Variants in TPGS2 observed in about 807,000 individuals in gnomAD.
The protein encoded by TPGS2 is polyglutamylase subunit 2.
In TPGS2, 26 loss-of-function variants were observed where a neutral mutation model predicts 31.1. That is an observed-to-expected ratio of 0.84 (90% CI 0.61 to 1.16). The LOEUF is 1.16. Among genes scored for constraint, TPGS2 ranks in the 50% most tolerant of loss-of-function variants. The pLI is 0.00. For synonymous variants in TPGS2, 130 were observed against 136.6 expected (o/e 0.95, Z 0.34); for missense variants, 351 against 363.8 (o/e 0.96, Z 0.29).
At position 36,807,850 on chromosome 18, in the gene TPGS2, CCAG is replaced by C. The variant is rs2045234290; in HGVS notation, c.247_249del (p.Leu83del). On this transcript the variant is annotated inframe_deletion, in exon 3 of 7. Coordinates refer to ENST00000334295, the MANE Select transcript of TPGS2 (RefSeq NM_015476.4). ...TCCTACAAGGAGGCTGACTCACCAT[CCAG>C]CTTCACACTCCATGTCATGTGGAAG... is the stretch of plus-strand genomic sequence containing the variant. 6.2e-7 allele frequency: 1 copy of C among 1,613,844 alleles called. No individual in the cohort carries two copies. The highest frequency in any genetic ancestry group is 1.7e-5 in the Admixed American group (1 of 59,988).
At position 36,795,404 on chromosome 18, in the gene TPGS2, C is replaced by CTCAT. The variant is rs905535564; in HGVS notation, c.*1397_*1400dup. 5 of 985,244 alleles carry CTCAT rather than the reference C, an allele frequency of 5.1e-6. No homozygotes were observed. In the Admixed American group the frequency reaches 2.5e-4, roughly 48 times the overall value. 61.0% of individuals were successfully genotyped at this position (985,244 alleles called of 1,614,324 possible). On this transcript the variant is annotated 3_prime_UTR_variant, in exon 7 of 7. Transcript: ENST00000334295. ...GTGCAGATGGTAGAGGCCCCTGCAC[C>CTCAT]TCATTCCTCAAAACTCCTAATTCTC...
In TPGS2 at chr18:36,828,825, A is replaced by G; in HGVS notation, c.-58T>C. On this transcript the variant is annotated 5_prime_UTR_variant, in exon 1 of 7. Coordinates refer to ENST00000334295, the MANE Select transcript of TPGS2 (RefSeq NM_015476.4). Reference sequence around the variant, plus strand: ...CGGGTGGAGGGCCGGACCCCGCCTCAGCGCCGAGGCCAATTTCATGGCATG... The same window carrying G: ...CGGGTGGAGGGCCGGACCCCGCCTCGGCGCCGAGGCCAATTTCATGGCATG... 1.9e-6 allele frequency: 3 copies of G among 1,587,086 alleles called. No homozygotes were observed. Among genetic ancestry groups the G allele is most frequent in the Non-Finnish European group, 2.6e-6 (3 of 1,162,450 alleles).
downstream of TPGS2, among the ~76,000 whole-genome samples, chr18:36,780,948 C>T (rs540955694): frequency 1.1e-4 from 17 of 152,260 alleles, no homozygotes; most frequent in South Asian, 1.0e-3. Context: ...ACCACAAACA[C>T]GTGAGTAATG....
At chr18:36,820,119 A>C (rs577248857) in intron 1 of TPGS2, among the ~76,000 whole-genome samples, 2 of 152,350 alleles carry the variant, frequency 1.3e-5, no homozygotes, top group East Asian at 3.9e-4. Context: ...CTTGGGATGC[A>C]GCAATAGCCC....
At position 36,828,974 on chromosome 18, in the gene TPGS2, G is replaced by A; in HGVS notation, c.-207C>T. ...GCGGCCCCGCCCGGTGCCCCACACC[G>A]CACCTCCGGGACGTAGCTTCCCCTT... On this transcript the variant is annotated 5_prime_UTR_variant, in exon 1 of 7. Transcript: ENST00000334295. 5 of 1,038,962 alleles carry A rather than the reference G, an allele frequency of 4.8e-6. No homozygotes were observed. Among genetic ancestry groups the A allele is most frequent in the South Asian group, 1.8e-5 (1 of 56,744 alleles). The allele number at this position is 1,038,962 out of a possible 1,614,324, so 64.4% of individuals were successfully genotyped here.
downstream of TPGS2, chr18:36,789,110 G>A (rs2044222091): frequency 6.6e-6 from 1 of 152,162 alleles, no homozygotes; most frequent in African/African-American, 2.4e-5. Context: ...CAGCTAAAAT[G>A]GGTAGCAGCA....
intron 6 of TPGS2, among the ~76,000 whole-genome samples, chr18:36,784,972 C>A (rs1213141193): frequency 6.6e-6 from 1 of 152,142 alleles, no homozygotes; most frequent in Non-Finnish European, 1.5e-5. Flanking sequence ...TCCTGGAGGC[C>A]TAGTCGTGTA....
chr18:36,809,792 G>T (rs2045334345), intron 2 of TPGS2, among the ~76,000 whole-genome samples: 1 of 152,070 alleles, frequency 6.6e-6, no homozygotes, highest in South Asian at 2.1e-4. Flanking sequence ...CTGTCTATCC[G>T]CCTTTCTTAA....
downstream of TPGS2, among the ~76,000 whole-genome samples, chr18:36,793,440 A>G (rs111459003): frequency 1.3e-3 from 204 of 152,330 alleles, no homozygotes; most frequent in African/African-American, 4.8e-3. Context: ...TCTGAACCAG[A>G]CTGGCTTCAA....
chr18:36,788,023 A>C (rs1053265520), intron 6 of TPGS2, among the ~76,000 whole-genome samples: 8 of 152,270 alleles, frequency 5.3e-5, no homozygotes, highest in African/African-American at 1.4e-4. Context: ...ATACACACAC[A>C]TATAGAAGTT....
Position 36,811,179 on chromosome 18 carries a change from C to T in TPGS2, c.166-3245G>A, listed in dbSNP as rs186179304. On this transcript the variant is annotated intron_variant, in intron 2 of 6. Coordinates refer to ENST00000334295, the MANE Select transcript of TPGS2 (RefSeq NM_015476.4). The stretch of plus-strand genomic sequence containing the variant: ...GAGCACAACGGCATCTCCTGAAACT[C>T]TTCTCAGGGAGGACATTCCATGAAG... 1.5e-3 allele frequency among the ~76,000 whole-genome samples: 231 copies of T among 152,354 alleles called. 1 individual carries two copies. Among genetic ancestry groups the T allele is most frequent in the Non-Finnish European group, 2.8e-3 (190 of 68,046 alleles).
chr18:36,794,821 G>A lies in TPGS2; in HGVS notation c.*1984C>T. The A allele has an allele frequency of 1.3e-5, 12 of 956,968 alleles. No homozygotes were observed. The highest frequency in any genetic ancestry group is 1.4e-5 in the Non-Finnish European group (11 of 813,670). 59.3% of individuals were successfully genotyped at this position (956,968 alleles called of 1,614,324 possible). The stretch of plus-strand genomic sequence containing the variant: ...CTCCTAGAGAATATGTGACAGTCAT[G>A]TTATGGTTAAAACACACACACACAC... On this transcript the variant is annotated 3_prime_UTR_variant, in exon 7 of 7. Coordinates refer to ENST00000334295, the MANE Select transcript of TPGS2 (RefSeq NM_015476.4).
At chr18:36,786,322 G>A (rs1325275205) in intron 6 of TPGS2, among the ~76,000 whole-genome samples, 4 of 152,168 alleles carry the variant, frequency 2.6e-5, no homozygotes, top group Admixed American at 6.5e-5. Context: ...CCAGGTTCAC[G>A]CCATTCTCCT....
At chr18:36,792,045 A>G (rs1466371289), downstream of TPGS2, among the ~76,000 whole-genome samples, 1 of 151,722 alleles carries the variant, frequency 6.6e-6, no homozygotes, top group African/African-American at 2.4e-5. Flanking sequence ...AAAAAAAAAA[A>G]AATAGGGAAA....
intron 6 of TPGS2, chr18:36,798,194 C>T: frequency 7.5e-7 from 1 of 1,324,554 alleles, no homozygotes; most frequent in Non-Finnish European, 9.7e-7. Context: ...ATAAACTATC[C>T]AACAGAATTT....
chr18:36,824,872 AT>A (rs2046061189), intron 1 of TPGS2, among the ~76,000 whole-genome samples: 1 of 151,900 alleles, frequency 6.6e-6, no homozygotes, highest in Non-Finnish European at 1.5e-5. Context: ...CAATTTATCT[AT>A]TTTTCTTTTG....
downstream of TPGS2, among the ~76,000 whole-genome samples, chr18:36,782,478 G>A (rs1351390761): frequency 6.6e-6 from 1 of 152,200 alleles, no homozygotes; most frequent in Admixed American, 6.5e-5. Context: ...TTGGTGTGAA[G>A]TGTGGCCTGG....
chr18:36,804,435 TAA>T (rs963434113), intron 4 of TPGS2, among the ~76,000 whole-genome samples: 1 of 152,126 alleles, frequency 6.6e-6, no homozygotes, highest in African/African-American at 2.4e-5. Flanking sequence ...CCCATACATA[TAA>T]AGACAGTGAG....
At chr18:36,781,787 A>G (rs1167630191), downstream of TPGS2, 2 of 985,466 alleles carry the variant, frequency 2.0e-6, no homozygotes, top group Non-Finnish European at 2.4e-6. Context: ...TCTCTGCTCT[A>G]ACCCCACTTA....
Sources: allele counts gnomAD v4.1 joint callset (sites outside exome capture counted in the v4.1 genomes callset), GRCh38; gene constraint gnomAD v4.1.1; transcripts MANE v1.5; gene names NCBI Gene and HGNC (gene_info 2026-07-23, HGNC 2026-07-21).